PPP1R3A: variants seen among roughly 807,000 people sequenced by gnomAD.
The protein encoded by PPP1R3A is RG1.
A neutral mutation model predicts 41.7 loss-of-function variants in PPP1R3A; 29 were observed. The observed-to-expected ratio is 0.70, with a 90% confidence interval of 0.52 to 0.95. The LOEUF (loss-of-function observed/expected upper bound fraction) is 0.95. Among genes scored for constraint, PPP1R3A ranks in the 40% least tolerant of loss-of-function variants. The pLI is 0.00. For missense variants in PPP1R3A, 1,352 were observed against 1,292.4 expected, an observed-to-expected ratio of 1.05 and a Z score of -0.71; for synonymous variants, 485 against 453.4, an observed-to-expected ratio of 1.07 and a Z score of -0.89.
chr7:113,912,714 T>C (rs1797270860), intron 1 of PPP1R3A, among the ~76,000 whole-genome samples: 1 of 152,066 alleles, frequency 6.6e-6, no homozygotes, highest in South Asian at 2.1e-4. Flanking sequence ...TTTCTTTTCT[T>C]TTCTTTTTTT....
At chr7:113,909,934 A>G (rs1044211654) in intron 1 of PPP1R3A, among the ~76,000 whole-genome samples, 7 of 152,096 alleles carry the variant, frequency 4.6e-5, no homozygotes, top group African/African-American at 1.7e-4. Flanking sequence ...GCTAATAAAG[A>G]GATACCTGAG....
chr7:113,878,601 T>C lies in PPP1R3A; in HGVS notation c.2491A>G (p.Thr831Ala). The change falls in exon 4 of 4, where the codon ACA (threonine) becomes GCA (alanine). Residue 831 changes from threonine to alanine, a missense_variant. Thr to Ala is a moderately conservative substitution (Grantham distance 58, BLOSUM62 0). Transcript: ENST00000284601. ...ETMSMYNPRK[T>A]HDREKCGTGN... ...GTGCCACATTTCTCCCTGTCATGTG[T>C]CTTCCTAGGATTGTACATAGACATG... 6.2e-7 allele frequency: 1 copy of C among 1,613,604 alleles called. No homozygotes were observed. The highest frequency in any genetic ancestry group is 8.5e-7 in the Non-Finnish European group (1 of 1,179,710).
At position 113,877,687 on chromosome 7, in the gene PPP1R3A, T is replaced by C. The variant is rs765186543; in HGVS notation, c.*36A>G. ...ACCAATCCAAATGTTTGGGGTTAAATAGCTTATCTTTTAAGAGAGAATAGT... is the reference window on the plus strand; with the variant it reads ...ACCAATCCAAATGTTTGGGGTTAAACAGCTTATCTTTTAAGAGAGAATAGT... On this transcript the variant is annotated 3_prime_UTR_variant, in exon 4 of 4. Coordinates refer to ENST00000284601, the MANE Select transcript of PPP1R3A (RefSeq NM_002711.4). 11 of 1,513,654 alleles carry C rather than the reference T, an allele frequency of 7.3e-6. No homozygotes were observed. Among genetic ancestry groups the C allele is most frequent in the Non-Finnish European group, 9.7e-6 (11 of 1,132,344 alleles). 93.8% of individuals were successfully genotyped at this position (1,513,654 alleles called of 1,614,324 possible).
intron 1 of PPP1R3A, among the ~76,000 whole-genome samples, chr7:113,885,377 G>C (rs1408362337): frequency 6.6e-6 from 1 of 152,036 alleles, no homozygotes; most frequent in Admixed American, 6.6e-5. Context: ...GCTGGTGGGA[G>C]AATAAATAGG....
At chr7:113,899,187 T>C (rs1156282257) in intron 1 of PPP1R3A, among the ~76,000 whole-genome samples, 2 of 151,822 alleles carry the variant, frequency 1.3e-5, no homozygotes, top group South Asian at 2.1e-4. Context: ...GTCACCTCTG[T>C]ACCAATTCAA....
intron 1 of PPP1R3A, among the ~76,000 whole-genome samples, chr7:113,888,052 GA>G (rs372482828): frequency 6.6e-6 from 1 of 151,328 alleles, no homozygotes; most frequent in Non-Finnish European, 1.5e-5. Context: ...AAGCACAAAA[GA>G]AAAAGTCACA....
rs182157851 is a variant in PPP1R3A, at chr7:113,903,676, T to C, written c.782+14539A>G. 3.4e-3 allele frequency among the ~76,000 whole-genome samples: 515 copies of C among 151,848 alleles called. 13 individuals carry two copies. The highest frequency in any genetic ancestry group is 0.032 in the Admixed American group (489 of 15,210). ...CTGAATCTTACATTTTTTTCCATTCTAATGTGCCCTCCAAACTCTTTCTGG... is the reference window on the plus strand; with the variant it reads ...CTGAATCTTACATTTTTTTCCATTCCAATGTGCCCTCCAAACTCTTTCTGG... On this transcript the variant is annotated intron_variant, in intron 1 of 3. Transcript: ENST00000284601.
intron 1 of PPP1R3A, among the ~76,000 whole-genome samples, chr7:113,910,286 G>A (rs1437704523): frequency 1.3e-5 from 2 of 151,966 alleles, no homozygotes; most frequent in Admixed American, 1.3e-4. Context: ...ATAACCATTT[G>A]ACCTGGGTGT....
rs1312578932 is a variant in PPP1R3A, at chr7:113,882,284, G to A, written c.819C>T (p.Asn273=). The A allele has an allele frequency of 6.7e-7, 1 of 1,489,164 alleles. No individual in the cohort carries two copies. Among genetic ancestry groups the A allele is most frequent in the Admixed American group, 1.7e-5 (1 of 59,372 alleles). The allele number at this position is 1,489,164 out of a possible 1,614,324, so 92.2% of individuals were successfully genotyped here. A position where few individuals can be genotyped will look rare whatever the true frequency, so the allele number is the denominator to read the frequency against. The change falls in exon 2 of 4, where the codon AAC becomes AAT. Residue 273 remains asparagine (N), a synonymous_variant. Transcript: ENST00000284601. ...TACCTGTATTCTTTGGATTCTCAAA[G>A]TTATTTTCTTCTGATGTTACTGATG... is the stretch of plus-strand genomic sequence containing the variant. ...EESSVTSEEN[N]FENPKNTDTY...
At chr7:113,905,728 G>A (rs1471374175) in intron 1 of PPP1R3A, among the ~76,000 whole-genome samples, 4 of 151,780 alleles carry the variant, frequency 2.6e-5, no homozygotes, top group Non-Finnish European at 4.4e-5. Flanking sequence ...GCAATCTCAA[G>A]ATAGAAATGT....
rs1023427514 is a variant in PPP1R3A, at chr7:113,877,198, G to T, written c.*525C>A. ...TAAGTTTGCATTTCAATATATATGG[G>T]TGTTTTCTTAAAAATATGAAAGGTT... On this transcript the variant is annotated 3_prime_UTR_variant, in exon 4 of 4. Transcript: ENST00000284601. The T allele has an allele frequency of 3.3e-5, 5 of 152,176 alleles. No individual in the cohort carries two copies. Among genetic ancestry groups the T allele is most frequent in the African/African-American group, 1.2e-4 (5 of 41,350 alleles). The allele number at this position is 152,176 out of a possible 1,614,324, so 9.4% of individuals were successfully genotyped here.
chr7:113,909,180 G>A (rs1797198676), intron 1 of PPP1R3A, among the ~76,000 whole-genome samples: 1 of 151,796 alleles, frequency 6.6e-6, no homozygotes, highest in Non-Finnish European at 1.5e-5. Context: ...AAAAAGTTAT[G>A]TTCAGCATTT....
intron 3 of PPP1R3A, among the ~76,000 whole-genome samples, chr7:113,880,714 G>GT (rs5886685): frequency 2.7e-5 from 4 of 145,554 alleles, no homozygotes; most frequent in African/African-American, 1.0e-4. Context: ...AGATGCCTGT[G>GT]TTTTTTTTTT....
At chr7:113,910,185 C>T (rs1195686702) in intron 1 of PPP1R3A, among the ~76,000 whole-genome samples, 1 of 152,052 alleles carries the variant, frequency 6.6e-6, no homozygotes, top group East Asian at 1.9e-4. Flanking sequence ...CACCTGGCCC[C>T]ACCCTTAACA....
At chr7:113,911,162 A>T (rs1392434524) in intron 1 of PPP1R3A, among the ~76,000 whole-genome samples, 1 of 152,086 alleles carries the variant, frequency 6.6e-6, no homozygotes, top group Non-Finnish European at 1.5e-5. Flanking sequence ...TATAACAGTT[A>T]AATTTAGCAA....
intron 1 of PPP1R3A, among the ~76,000 whole-genome samples, chr7:113,912,699 CCT>C (rs1316907847): frequency 3.3e-5 from 5 of 152,036 alleles, no homozygotes; most frequent in Admixed American, 3.3e-4. Flanking sequence ...TTTTCTTCTT[CCT>C]TTTTTCTTTT....
chr7:113,908,339 CGT>C (rs560116555), intron 1 of PPP1R3A, among the ~76,000 whole-genome samples: 129 of 151,554 alleles, frequency 8.5e-4, no homozygotes, highest in Non-Finnish European at 1.4e-3. Flanking sequence ...TGTGCACACA[CGT>C]GTGTGTGTGT....
At chr7:113,897,923 A>G (rs1397293643) in intron 1 of PPP1R3A, among the ~76,000 whole-genome samples, 1 of 151,778 alleles carries the variant, frequency 6.6e-6, no homozygotes, top group Non-Finnish European at 1.5e-5. Context: ...TTGCTAAAGG[A>G]GTGAAGTGCA....
At chr7:113,886,961 C>T (rs1796794520) in intron 1 of PPP1R3A, among the ~76,000 whole-genome samples, 2 of 152,040 alleles carry the variant, frequency 1.3e-5, no homozygotes, top group African/African-American at 4.8e-5. Context: ...TTTTCTGTGG[C>T]TAACACAGTG....
Sources: allele counts gnomAD v4.1 joint callset (sites outside exome capture counted in the v4.1 genomes callset), GRCh38; gene constraint gnomAD v4.1.1; transcripts MANE v1.5; gene names NCBI Gene and HGNC (gene_info 2026-07-23, HGNC 2026-07-21).